KIAA0319: variants seen among roughly 807,000 people sequenced by gnomAD.
KIAA0319 encodes KIAA0319.
Under a neutral mutation model 108.4 loss-of-function variants are expected in KIAA0319, and 83 were observed. The ratio of observed to expected loss-of-function variants is 0.77; its 90% confidence interval spans 0.64 to 0.92. KIAA0319 has a LOEUF of 0.92. KIAA0319 is among the 40% of genes least tolerant of loss of function. The pLI is 0.00. For missense variants in KIAA0319, 1,195 were observed against 1,322.4 expected (o/e 0.90, Z 1.49); for synonymous variants, 484 against 510.4 (o/e 0.95, Z 0.70).
chr6:24,642,190 G>GAGAGAGAA (rs1777030591), intron 1 of KIAA0319, among the ~76,000 whole-genome samples: 1 of 141,712 alleles, frequency 7.1e-6, no homozygotes, highest in Non-Finnish European at 1.5e-5. Flanking sequence ...GAAAGAAAGA[G>GAGAGAGAA]AGAAAGAAAG....
Position 24,558,996 on chromosome 6 carries a change from T to C in KIAA0319, c.2734+17A>G. 1 of 1,602,412 alleles carries C rather than the reference T, an allele frequency of 6.2e-7. No individual in the cohort carries two copies. ...TGGCAAGTCTGATTGTTTTAGAATA[T>C]TCCATAGGAGACCTACCTGCTGTAT... On this transcript the variant is annotated intron_variant, in intron 17 of 20. Coordinates refer to ENST00000378214, the MANE Select transcript of KIAA0319 (RefSeq NM_014809.4).
chr6:24,578,367 T>C (rs1005300560), intron 8 of KIAA0319, 125 bp from the exon 9 acceptor site: 43 of 668,760 alleles, frequency 6.4e-5, no homozygotes, highest in Non-Finnish European at 1.0e-4. Context: ...TAGATCTCAA[T>C]GGATATATAC....
intron 10 of KIAA0319, among the ~76,000 whole-genome samples, chr6:24,575,221 T>C (rs779835349): frequency 6.6e-6 from 1 of 152,182 alleles, no homozygotes; most frequent in Non-Finnish European, 1.5e-5. Flanking sequence ...AGAGAGGGTG[T>C]CTGGCAACTG....
intron 1 of KIAA0319, among the ~76,000 whole-genome samples, chr6:24,606,976 C>A (rs2127544399): frequency 6.6e-6 from 1 of 152,332 alleles, no homozygotes; most frequent in East Asian, 1.9e-4. Flanking sequence ...GACTGCCTAC[C>A]AGCCCTGGAC....
rs1457473564 is a variant in KIAA0319 at position 24,576,534 on chromosome 6, T to C, written c.1568A>G (p.Asn523Ser). Residue 523 changes from asparagine to serine, a missense_variant, in exon 10 of 21, where the codon AAT (asparagine) becomes AGT (serine). By Grantham distance (46) the Asn-to-Ser change is conservative. Transcript: ENST00000378214. ...AGCAACTGGTGGGTAGTCCACAGCA[T>C]TGTTCACTATTAGGGCTGCAGTTGT... is the stretch of plus-strand genomic sequence containing the variant. The part of the protein sequence containing the change: ...NSTTAALIVN[N>S]AVDYPPVANA... The C allele has an allele frequency of 1.9e-6, 3 of 1,613,996 alleles. No homozygotes were observed. Among genetic ancestry groups the C allele is most frequent in the Non-Finnish European group, 1.7e-6 (2 of 1,180,004 alleles).
chr6:24,564,046 A>G (rs1185002710), intron 15 of KIAA0319, among the ~76,000 whole-genome samples, 156 bp downstream of exon 15: 4 of 152,116 alleles, frequency 2.6e-5, no homozygotes, highest in African/African-American at 9.7e-5. Flanking sequence ...CTGGGGATAC[A>G]CAACAAGGTG....
At chr6:24,595,284 C>G (rs930491294) in intron 3 of KIAA0319, among the ~76,000 whole-genome samples, 1 of 152,030 alleles carries the variant, frequency 6.6e-6, no homozygotes, top group African/African-American at 2.4e-5. Flanking sequence ...CGGTGGCTCA[C>G]GCCTGTAATC....
Position 24,553,270 on chromosome 6 carries a change from GATAGATATAT to G in KIAA0319, c.2948+1261_2948+1270del, listed in dbSNP as rs377350410. Among the ~76,000 whole-genome samples the G allele has an allele frequency of 4.7e-5, 5 of 106,012 alleles. No individual in the cohort carries two copies. The East Asian group carries it at 6.6e-4, about 14-fold the overall frequency. The allele number at this position is 106,012 out of a possible 152,430, so 69.5% of individuals were successfully genotyped here. ...TGTAAGGCCACTTAGGTACTTGTGA[GATAGATATAT>G]ATATATATATATATACACACACACA... is the stretch of plus-strand genomic sequence containing the variant. On this transcript the variant is annotated intron_variant, in intron 19 of 20. Transcript: ENST00000378214.
At position 24,637,781 on chromosome 6, in the gene KIAA0319, TAAGA is replaced by T. The variant is rs956849387; in HGVS notation, c.-106+7951_-106+7954del. Among the ~76,000 whole-genome samples, 115 of 151,348 alleles carry T rather than the reference TAAGA, an allele frequency of 7.6e-4. 2 individuals carry two copies. The highest frequency in any genetic ancestry group is 5.7e-3 in the Admixed American group (87 of 15,154). ...TCCAAGAAGGATCCCGCCTATCAGC[TAAGA>T]AAGGAAGGATGTTTGCCATTTATGC... On this transcript the variant is annotated intron_variant, in intron 1 of 20. Transcript: ENST00000378214.
intron 1 of KIAA0319, among the ~76,000 whole-genome samples, chr6:24,607,431 G>GT (rs1771589203): frequency 6.6e-6 from 1 of 151,428 alleles, no homozygotes; most frequent in African/African-American, 2.4e-5. Flanking sequence ...TTTGTTTTTC[G>GT]GTTTTTTTTT....
chr6:24,630,920 A>G (rs1312303803), intron 1 of KIAA0319, among the ~76,000 whole-genome samples: 2 of 152,210 alleles, frequency 1.3e-5, no homozygotes, highest in South Asian at 4.1e-4. Flanking sequence ...AGGCTCAGAA[A>G]AGGGCAAGCT....
chr6:24,572,439 G>A lies in KIAA0319; in HGVS notation c.1858+136C>T, dbSNP rs1184542176. 8.4e-6 allele frequency: 8 copies of A among 953,276 alleles called. No individual in the cohort carries two copies. The East Asian group carries it at 1.9e-4, about 22-fold the overall frequency. 59.1% of individuals were successfully genotyped at this position (953,276 alleles called of 1,614,324 possible). Reference sequence around the variant, plus strand: ...CAGTCAAGGCAAGATTTAGAACCTTGAAATGAAATTAGTTTTATATGGAGC... The same window carrying A: ...CAGTCAAGGCAAGATTTAGAACCTTAAAATGAAATTAGTTTTATATGGAGC... On this transcript the variant is annotated intron_variant, in intron 11 of 20. Coordinates refer to ENST00000378214, the MANE Select transcript of KIAA0319 (RefSeq NM_014809.4).
At chr6:24,607,416 C>T (rs1013631867) in intron 1 of KIAA0319, among the ~76,000 whole-genome samples, 1 of 151,204 alleles carries the variant, frequency 6.6e-6, no homozygotes, top group Non-Finnish European at 1.5e-5. Context: ...TGATAAGTGA[C>T]ACTATTTGTT....
At chr6:24,598,026 G>T in intron 2 of KIAA0319, 1 of 242,906 alleles carries the variant, frequency 4.1e-6, no homozygotes, top group South Asian at 6.2e-5. Flanking sequence ...CCATCAAGGT[G>T]ACCCATAAGT....
At chr6:24,622,293 C>A (rs549129483) in intron 1 of KIAA0319, among the ~76,000 whole-genome samples, 1 of 122,598 alleles carries the variant, frequency 8.2e-6, no homozygotes, top group East Asian at 2.4e-4. Flanking sequence ...AACAGGCAAC[C>A]AAGGACTGCT....
chr6:24,641,794 G>A (rs1038318585), intron 1 of KIAA0319, among the ~76,000 whole-genome samples: 6 of 152,054 alleles, frequency 3.9e-5, no homozygotes, highest in African/African-American at 1.4e-4. Flanking sequence ...CACTTTGGGA[G>A]GCGGAGGTGA....
intron 1 of KIAA0319, among the ~76,000 whole-genome samples, chr6:24,633,825 C>A (rs1468888426): frequency 6.6e-6 from 1 of 152,038 alleles, no homozygotes; most frequent in Non-Finnish European, 1.5e-5. Flanking sequence ...ACTTATTCTA[C>A]AACAAACTAG....
At chr6:24,624,017 C>CTTTTCTTTTTTTTTTTTTTTTTTTT (rs1774342718) in intron 1 of KIAA0319, among the ~76,000 whole-genome samples, 1 of 50,540 alleles carries the variant, frequency 2.0e-5, no homozygotes, top group Non-Finnish European at 3.6e-5. Context: ...TCTTTGTTTT[C>CTTTTCTTTTTTTTTTTTTTTTTTTT]TTTTTTTTTT....
chr6:24,611,773 C>T (rs193004646), intron 1 of KIAA0319, among the ~76,000 whole-genome samples: 5 of 151,642 alleles, frequency 3.3e-5, no homozygotes, highest in African/African-American at 9.7e-5. Flanking sequence ...TGTTCAGGCC[C>T]GGGGGCACAG....
Sources: gnomAD v4.1 joint callset for allele counts (sites outside exome capture counted in the v4.1 genomes callset) on GRCh38, gnomAD v4.1.1 for gene constraint, MANE v1.5 for transcripts, NCBI Gene and HGNC (gene_info 2026-07-23, HGNC 2026-07-21) for gene names.